IGSF11: variants seen among roughly 807,000 people sequenced by gnomAD.
IGSF11 encodes CXADR like 1.
Under a neutral mutation model 41.0 loss-of-function variants are expected in IGSF11, and 22 were observed. The observed-to-expected ratio is 0.54, with a 90% CI of 0.38 to 0.77. The LOEUF (loss-of-function observed/expected upper bound fraction) is 0.77. IGSF11 is among the 30% of genes least tolerant of loss of function. The pLI is 0.00. For missense variants in IGSF11, 444 were observed against 530.8 expected, an observed-to-expected ratio of 0.84 and a Z score of 1.61; for synonymous variants, 219 against 201.3, an observed-to-expected ratio of 1.09 and a Z score of -0.74.
intron 1 of IGSF11, among the ~76,000 whole-genome samples, chr3:119,089,119 A>G (rs911677092): frequency 6.6e-6 from 1 of 152,160 alleles, no homozygotes; most frequent in Non-Finnish European, 1.5e-5. Flanking sequence ...TGGCAGAGGC[A>G]TAATAAAAAG....
chr3:118,989,713 G>A (rs144096440), intron 1 of IGSF11, among the ~76,000 whole-genome samples: 48 of 152,186 alleles, frequency 3.2e-4, no homozygotes, highest in Admixed American at 6.5e-4. Flanking sequence ...TTTTAAATGA[G>A]GCTATCTTAT....
At chr3:118,936,847 A>C (rs1444707125) in intron 1 of IGSF11, among the ~76,000 whole-genome samples, 1 of 151,838 alleles carries the variant, frequency 6.6e-6, no homozygotes, top group African/African-American at 2.4e-5. Context: ...AAGAATCTTT[A>C]AAAATCCTAG....
Position 118,984,489 on chromosome 3 carries a change from G to C in IGSF11, c.52+50042C>G, listed in dbSNP as rs138388227. The stretch of plus-strand genomic sequence containing the variant: ...AAAAGATACATATGAATTGGGAGTA[G>C]GGTATAGTGATTGGATCTGGGATGT... On this transcript the variant is annotated intron_variant, in intron 1 of 6. Transcript: ENST00000393775. 3.4e-3 allele frequency among the ~76,000 whole-genome samples: 514 copies of C among 152,250 alleles called. 3 individuals carry two copies. Among genetic ancestry groups the C allele is most frequent in the African/African-American group, 0.011 (460 of 41,532 alleles).
At chr3:119,064,355 A>G (rs1257977218) in intron 1 of IGSF11, among the ~76,000 whole-genome samples, 2 of 152,092 alleles carry the variant, frequency 1.3e-5, no homozygotes, top group African/African-American at 4.8e-5. Flanking sequence ...ATGGCTGAGT[A>G]TGTGTAGGGG....
intron 1 of IGSF11, among the ~76,000 whole-genome samples, chr3:119,000,035 T>G (rs1344253182): frequency 1.3e-5 from 2 of 151,760 alleles, no homozygotes; most frequent in African/African-American, 2.4e-5. Flanking sequence ...CAGATTGGCT[T>G]TAAAAGCTCT....
intron 1 of IGSF11, among the ~76,000 whole-genome samples, chr3:118,995,974 G>A (rs966670984): frequency 6.6e-6 from 1 of 152,030 alleles, no homozygotes; most frequent in Non-Finnish European, 1.5e-5. Flanking sequence ...AGTAGAGACA[G>A]AGTTTCACCA....
At chr3:118,947,939 A>G (rs1944282391) in intron 1 of IGSF11, 1 of 152,208 alleles carries the variant, frequency 6.6e-6, no homozygotes, top group Admixed American at 6.5e-5. Flanking sequence ...ATTTATTTCT[A>G]TTACTATGCA....
intron 1 of IGSF11, among the ~76,000 whole-genome samples, chr3:119,064,768 T>C (rs1942171128): frequency 6.6e-6 from 1 of 152,140 alleles, no homozygotes; most frequent in Non-Finnish European, 1.5e-5. Flanking sequence ...GTATGTGACA[T>C]TCTTTGATGT....
At chr3:119,042,913 C>T (rs565957328) in intron 1 of IGSF11, among the ~76,000 whole-genome samples, 20 of 152,310 alleles carry the variant, frequency 1.3e-4, no homozygotes, top group Non-Finnish European at 2.8e-4. Flanking sequence ...GGTCCTTGTT[C>T]TTAGAGCTCC....
intron 1 of IGSF11, among the ~76,000 whole-genome samples, chr3:119,094,962 G>A (rs1304759062): frequency 1.3e-5 from 2 of 151,920 alleles, no homozygotes; most frequent in African/African-American, 4.8e-5. Context: ...GTGAGCCACC[G>A]AGCCTGGACA....
chr3:119,003,914 C>G (rs1418556803), intron 1 of IGSF11, among the ~76,000 whole-genome samples: 1 of 148,504 alleles, frequency 6.7e-6, no homozygotes, highest in Admixed American at 6.7e-5. Flanking sequence ...GGATATTGGT[C>G]TAATATTCTC....
chr3:118,995,279 G>C (rs1182051011), intron 1 of IGSF11, among the ~76,000 whole-genome samples: 2 of 152,132 alleles, frequency 1.3e-5, no homozygotes, highest in African/African-American at 4.8e-5. Context: ...ATGTTACATA[G>C]TAACCCGAGA....
At chr3:119,039,890 A>C (rs1411189800) in intron 1 of IGSF11, among the ~76,000 whole-genome samples, 1 of 152,092 alleles carries the variant, frequency 6.6e-6, no homozygotes, top group Non-Finnish European at 1.5e-5. Context: ...AACTTAACCT[A>C]CTCCATCTTG....
At chr3:119,112,428 G>A (rs1441575276) in intron 1 of IGSF11, among the ~76,000 whole-genome samples, 4 of 152,116 alleles carry the variant, frequency 2.6e-5, no homozygotes, top group Non-Finnish European at 4.4e-5. Flanking sequence ...CTGGTGTGCC[G>A]TTTCCTAAGC....
At chr3:119,106,786 G>A (rs964093009), upstream of IGSF11, among the ~76,000 whole-genome samples, 12 of 150,304 alleles carry the variant, frequency 8.0e-5, no homozygotes, top group Non-Finnish European at 8.8e-5. Context: ...CCCTTCCTGT[G>A]TCCATGTGTT....
chr3:119,025,121 A>C (rs1939694129), intron 1 of IGSF11, among the ~76,000 whole-genome samples: 1 of 152,176 alleles, frequency 6.6e-6, no homozygotes, highest in African/African-American at 2.4e-5. Flanking sequence ...ACATTTTATT[A>C]TATTGGGAGG....
At chr3:118,997,807 A>G (rs1936421677) in intron 1 of IGSF11, among the ~76,000 whole-genome samples, 1 of 152,172 alleles carries the variant, frequency 6.6e-6, no homozygotes, top group Non-Finnish European at 1.5e-5. Context: ...ACTTTCAAAC[A>G]ATAATAAAAT....
In IGSF11 at chr3:118,920,512, G is replaced by T. The variant is rs1219577232; in HGVS notation, c.580+5589C>A. Among the ~76,000 whole-genome samples, 3 of 151,930 alleles carry T rather than the reference G, an allele frequency of 2.0e-5. 1 individual carries two copies. The highest frequency in any genetic ancestry group is 2.0e-4 in the Admixed American group (3 of 15,238). ...GCAATACACCTAAAACATAAAGCAT[G>T]GAGAACTGAATGCCAATGAACCATA... On this transcript the variant is annotated intron_variant, in intron 4 of 6. Coordinates refer to ENST00000393775, the MANE Select transcript of IGSF11 (RefSeq NM_001015887.3).
intron 1 of IGSF11, among the ~76,000 whole-genome samples, chr3:118,969,632 G>A (rs1559977001): frequency 6.6e-6 from 1 of 152,164 alleles, no homozygotes; most frequent in South Asian, 2.1e-4. Context: ...AGGTGTGCAA[G>A]CAATTGGGAG....
Sources: gnomAD v4.1 joint callset for allele counts (sites outside exome capture counted in the v4.1 genomes callset) on GRCh38, gnomAD v4.1.1 for gene constraint, MANE v1.5 for transcripts, NCBI Gene and HGNC (gene_info 2026-07-23, HGNC 2026-07-21) for gene names.